Variants in DLC1 observed in about 807,000 individuals in gnomAD.
The protein encoded by DLC1 is rho GTPase-activating protein 7.
A neutral mutation model predicts 140.3 loss-of-function variants in DLC1; 54 were observed. The ratio of observed to expected loss-of-function variants is 0.38; its 90% CI spans 0.31 to 0.48. DLC1 has a LOEUF of 0.48. Ranked by LOEUF, DLC1 falls within the 20% of genes least tolerant of loss-of-function variation. The pLI, the probability that DLC1 is intolerant of heterozygous loss-of-function variation, is 0.96. For missense variants in DLC1, 2,536 were observed against 1,907.0 expected (o/e 1.33, Z -6.14); for synonymous variants, 986 against 728.1 (o/e 1.35, Z -5.70).
Position 13,455,585 on chromosome 8 carries a change from C to T in DLC1, c.1023+43464G>A, listed in dbSNP as rs78593997. Among the ~76,000 whole-genome samples the T allele has an allele frequency of 9.1e-3, 1,384 of 152,314 alleles. 19 individuals are homozygous for T. The highest frequency in any genetic ancestry group is 0.061 in the South Asian group (294 of 4,820). ...GGAAAACTGGCTCTCTCCCTTATCTCTTTCAGTCTTTTCTCCAAAATCACC... is the reference window on the plus strand; with the variant it reads ...GGAAAACTGGCTCTCTCCCTTATCTTTTTCAGTCTTTTCTCCAAAATCACC... On this transcript the variant is annotated intron_variant, in intron 2 of 17. Transcript: ENST00000276297.
chr8:13,547,005 A>T (rs1803671876), intron 1 of DLC1, among the ~76,000 whole-genome samples: 1 of 152,104 alleles, frequency 6.6e-6, no homozygotes. Context: ...TCATATGTTA[A>T]ATGTCTATGA....
Position 13,100,490 on chromosome 8 carries a change from G to A in DLC1, c.1847C>T (p.Pro616Leu), listed in dbSNP as rs995104495. The A allele has an allele frequency of 6.2e-7, 1 of 1,612,876 alleles. No homozygotes were observed. Among genetic ancestry groups the A allele is most frequent in the Non-Finnish European group, 8.5e-7 (1 of 1,179,962 alleles). The change falls in exon 9 of 18, where the codon CCC (proline) becomes CTC (leucine). Residue 616 changes from proline to leucine, a missense_variant. By Grantham distance (98) the Pro-to-Leu change is moderately conservative (BLOSUM62 -3). Transcript: ENST00000276297. ...HAPPSEDAATPRTNSVISVCS... is the reference protein window; with the variant it reads ...HAPPSEDAATLRTNSVISVCS... ...AACGCTGATGACGGAGTTAGTCCGG[G>A]GGGTGGCAGCATCCTCGCTGGGGGG...
chr8:13,165,321 G>C (rs527962334), intron 5 of DLC1, among the ~76,000 whole-genome samples: 1 of 152,286 alleles, frequency 6.6e-6, no homozygotes, highest in South Asian at 2.1e-4. Flanking sequence ...AGAAAGGTAA[G>C]TGGCCTACTT....
chr8:13,292,985 G>T lies in DLC1; in HGVS notation c.1348+12284C>A, dbSNP rs538047491. Among the ~76,000 whole-genome samples, 45 of 152,326 alleles carry T rather than the reference G, an allele frequency of 3.0e-4. No individual in the cohort carries two copies. The South Asian group carries it at 5.6e-3, about 19-fold the overall frequency. On this transcript the variant is annotated intron_variant, in intron 5 of 17. Coordinates refer to ENST00000276297, the MANE Select transcript of DLC1 (RefSeq NM_182643.3). ...CACCTGTAACCCCAGCACTTTGAGA[G>T]GCTGAGGTGGGAGGATCTCTTGGAG...
At chr8:13,368,435 G>T (rs1835590703) in intron 4 of DLC1, among the ~76,000 whole-genome samples, 1 of 151,994 alleles carries the variant, frequency 6.6e-6, no homozygotes, top group African/African-American at 2.4e-5. Flanking sequence ...AGAAGGTCAA[G>T]TTCTCATTTG....
Position 13,144,766 on chromosome 8 carries a change from T to C in DLC1, c.1349-29109A>G, listed in dbSNP as rs555482105. On this transcript the variant is annotated intron_variant, in intron 5 of 17. Transcript: ENST00000276297. Reference sequence around the variant, plus strand: ...GGCAACAGAGCGATACTCTGCCTCATAAACAAATTAAATAAAAATAAATTC... The same window carrying C: ...GGCAACAGAGCGATACTCTGCCTCACAAACAAATTAAATAAAAATAAATTC... Among the ~76,000 whole-genome samples, 4 of 152,186 alleles carry C rather than the reference T, an allele frequency of 2.6e-5. No homozygotes were observed. The South Asian group carries it at 6.2e-4, about 24-fold the overall frequency.
chr8:13,422,508 G>A lies in DLC1; in HGVS notation c.1024-20889C>T, dbSNP rs117272154. 8.4e-4 allele frequency among the ~76,000 whole-genome samples: 128 copies of A among 151,966 alleles called. 2 individuals carry two copies. In the East Asian group the frequency reaches 0.023, roughly 27 times the overall value. On this transcript the variant is annotated intron_variant, in intron 2 of 17. Coordinates refer to ENST00000276297, the MANE Select transcript of DLC1 (RefSeq NM_182643.3). The stretch of plus-strand genomic sequence containing the variant: ...TGCAGGAGTGGGGAGCTGGAGAGAA[G>A]GTTAAAACATATCCTAGAAAACTCT...
Position 13,224,134 on chromosome 8 carries a change from T to C in DLC1, c.1348+81135A>G, listed in dbSNP as rs368574207. Among the ~76,000 whole-genome samples the C allele has an allele frequency of 2.0e-5, 3 of 152,322 alleles. No individual in the cohort carries two copies. In the East Asian group the frequency reaches 5.8e-4, roughly 29 times the overall value. On this transcript the variant is annotated intron_variant, in intron 5 of 17. Coordinates refer to ENST00000276297, the MANE Select transcript of DLC1 (RefSeq NM_182643.3). Reference sequence around the variant, plus strand: ...CTGGGATCGTTCTTTGTTAAGCAATTAACTGAGATCCAGGTAAACAGAAGA... The same window carrying C: ...CTGGGATCGTTCTTTGTTAAGCAATCAACTGAGATCCAGGTAAACAGAAGA...
At chr8:13,352,005 A>T (rs1039389321) in intron 4 of DLC1, among the ~76,000 whole-genome samples, 4 of 152,208 alleles carry the variant, frequency 2.6e-5, no homozygotes, top group Non-Finnish European at 4.4e-5. Context: ...AAGTGCTGGG[A>T]TTACAGGCAT....
intron 2 of DLC1, among the ~76,000 whole-genome samples, chr8:13,454,172 G>C (rs935233619): frequency 2.0e-5 from 3 of 152,004 alleles, no homozygotes; most frequent in African/African-American, 7.3e-5. Context: ...ACAAATGTTT[G>C]TCCAACAAAA....
At position 13,447,363 on chromosome 8, in the gene DLC1, C is replaced by T. The variant is rs565359938; in HGVS notation, c.1024-45744G>A. On this transcript the variant is annotated intron_variant, in intron 2 of 17. Coordinates refer to ENST00000276297, the MANE Select transcript of DLC1 (RefSeq NM_182643.3). Reference sequence around the variant, plus strand: ...TACGATTTATGACACTAACCTTTTGCGTGACATTGAGTAATACCTATTTGG... The same window carrying T: ...TACGATTTATGACACTAACCTTTTGTGTGACATTGAGTAATACCTATTTGG... 3.3e-4 allele frequency among the ~76,000 whole-genome samples: 50 copies of T among 152,230 alleles called. No individual in the cohort carries two copies. The South Asian group carries it at 8.5e-3, about 26-fold the overall frequency.
chr8:13,085,514 C>G lies in DLC1; in HGVS notation c.*297G>C, dbSNP rs1336189821. ...CAAGAGAATGAAGTATCTTCATTAT[C>G]TTCCATAATGTATTTAAAGAGTTTT... On this transcript the variant is annotated 3_prime_UTR_variant, in exon 18 of 18. Coordinates refer to ENST00000276297, the MANE Select transcript of DLC1 (RefSeq NM_182643.3). 4.1e-6 allele frequency: 1 copy of G among 243,752 alleles called. No individual in the cohort carries two copies. Among genetic ancestry groups the G allele is most frequent in the African/African-American group, 2.2e-5 (1 of 44,954 alleles). 15.1% of individuals were successfully genotyped at this position (243,752 alleles called of 1,614,324 possible).
In DLC1 at chr8:13,291,942, G is replaced by A. The variant is rs577559768; in HGVS notation, c.1348+13327C>T. 1.5e-3 allele frequency among the ~76,000 whole-genome samples: 224 copies of A among 151,420 alleles called. 2 individuals carry two copies. Among genetic ancestry groups the A allele is most frequent in the African/African-American group, 4.9e-3 (202 of 41,332 alleles). ...CACATTAGTGCTGTTATTTTGCCTC[G>A]CTCAGATTCTACCAGGAAACAGACA... On this transcript the variant is annotated intron_variant, in intron 5 of 17. Transcript: ENST00000276297.
At chr8:13,374,418 T>C in intron 4 of DLC1, among the ~76,000 whole-genome samples, 1 of 152,122 alleles carries the variant, frequency 6.6e-6, no homozygotes, top group East Asian at 1.9e-4. Flanking sequence ...TATTTTATAA[T>C]ATGGTGGAAG....
At chr8:13,160,437 C>G (rs973536170) in intron 5 of DLC1, among the ~76,000 whole-genome samples, 1 of 152,128 alleles carries the variant, frequency 6.6e-6, no homozygotes, top group Admixed American at 6.5e-5. Flanking sequence ...GATTTAAAGA[C>G]TTGTAATGTT....
chr8:13,101,724 C>T (rs1819105659), intron 8 of DLC1, among the ~76,000 whole-genome samples: 2 of 152,172 alleles, frequency 1.3e-5, no homozygotes, highest in Non-Finnish European at 2.9e-5. Flanking sequence ...CTCAGTCATG[C>T]TCCAGCCAAT....
At chr8:13,414,566 T>C (rs1426154380) in intron 2 of DLC1, among the ~76,000 whole-genome samples, 2 of 152,180 alleles carry the variant, frequency 1.3e-5, no homozygotes, top group African/African-American at 4.8e-5. Context: ...TAGAAAAGAA[T>C]AGCATTATGA....
At chr8:13,125,927 T>C (rs1051272262) in intron 5 of DLC1, among the ~76,000 whole-genome samples, 2 of 152,126 alleles carry the variant, frequency 1.3e-5, no homozygotes, top group Admixed American at 6.6e-5. Flanking sequence ...TGCAAGCCTA[T>C]ACCTGGGGTG....
chr8:13,370,291 T>G (rs930209858), intron 4 of DLC1, among the ~76,000 whole-genome samples: 1 of 152,180 alleles, frequency 6.6e-6, no homozygotes, highest in Non-Finnish European at 1.5e-5. Context: ...AAAATTATTA[T>G]TTTTCATAAT....
Sources: gnomAD v4.1 joint callset for allele counts (sites outside exome capture counted in the v4.1 genomes callset) on GRCh38, gnomAD v4.1.1 for gene constraint, MANE v1.5 for transcripts, NCBI Gene and HGNC (gene_info 2026-07-23, HGNC 2026-07-21) for gene names.